FAM120C: variants seen among roughly 807,000 people sequenced by gnomAD.
FAM120C encodes constitutive coactivator of PPAR-gamma-like protein 2.
In FAM120C, 14 loss-of-function variants were observed where a neutral mutation model predicts 71.2. The observed-to-expected ratio is 0.20, with a 90% confidence interval of 0.13 to 0.31. The LOEUF (loss-of-function observed/expected upper bound fraction) is 0.31, where lower values mean the gene tolerates loss of function less well. Among genes scored for constraint, FAM120C ranks in the 10% least tolerant of loss-of-function variants. The probability of loss-of-function intolerance (pLI) is 1.00; values close to 1 mark genes in which losing one functional copy is unlikely to be tolerated. For missense variants in FAM120C, 500 were observed against 879.0 expected (o/e 0.57, Z 5.45); for synonymous variants, 354 against 353.2 (o/e 1.00, Z -0.03).
intron 10 of FAM120C, among the ~76,000 whole-genome samples, chrX:54,102,277 C>T (rs1173788577): frequency 9.9e-6 from 1 of 101,032 alleles, no homozygotes; most frequent in African/African-American, 3.5e-5. Flanking sequence ...TCCTCCCACA[C>T]CTTGGCCTCC....
intron 6 of FAM120C, 66 bp from the exon 7 acceptor site, chrX:54,135,177 A>G: frequency 9.6e-7 from 1 of 1,040,554 alleles, no homozygotes; most frequent in Non-Finnish European, 1.3e-6. Context: ...GCTCCCTCAG[A>G]AGTTGTGACA....
At chrX:54,130,714 AT>A (rs782515159) in intron 9 of FAM120C, among the ~76,000 whole-genome samples, 1 of 111,390 alleles carries the variant, frequency 9.0e-6, no homozygotes, top group Non-Finnish European at 1.9e-5. Flanking sequence ...TAGGTTCTTC[AT>A]TTGGCCTTTG....
chrX:54,178,134 T>C (rs2067328389), intron 1 of FAM120C, among the ~76,000 whole-genome samples: 1 of 110,997 alleles, frequency 9.0e-6, no homozygotes, highest in South Asian at 3.8e-4. Flanking sequence ...AAAGGGGAAG[T>C]TTTTGTTTTT....
chrX:54,152,438 A>G (rs2067188702), intron 3 of FAM120C, among the ~76,000 whole-genome samples: 1 of 111,698 alleles, frequency 9.0e-6, no homozygotes, highest in Admixed American at 9.5e-5. Flanking sequence ...TTGTATTTTT[A>G]GTAGGGACAG....
At chrX:54,079,462 G>T (rs1223212698) in intron 15 of FAM120C, among the ~76,000 whole-genome samples, 1 of 109,477 alleles carries the variant, frequency 9.1e-6, no homozygotes, top group Non-Finnish European at 1.9e-5. Context: ...GAGAGAGAGA[G>T]AGAAAGAAGA....
intron 4 of FAM120C, among the ~76,000 whole-genome samples, chrX:54,146,773 G>A (rs995826424): frequency 8.9e-6 from 1 of 111,954 alleles, no homozygotes; most frequent in Admixed American, 9.6e-5. Flanking sequence ...GTGTATTACT[G>A]GTAAAAGGAT....
At chrX:54,117,901 A>C (rs963632073) in intron 9 of FAM120C, among the ~76,000 whole-genome samples, 2 of 111,312 alleles carry the variant, frequency 1.8e-5, no homozygotes, top group Admixed American at 9.6e-5. Context: ...TATTTCACAA[A>C]ATTCTCAAAA....
chrX:54,151,583 C>A (rs1326627417), intron 3 of FAM120C, among the ~76,000 whole-genome samples: 1 of 112,039 alleles, frequency 8.9e-6, no homozygotes, highest in Non-Finnish European at 1.9e-5. Context: ...AACATATCAT[C>A]CATCTTCCTG....
At chrX:54,093,965 C>A (rs1405278437) in intron 10 of FAM120C, among the ~76,000 whole-genome samples, 3 of 110,361 alleles carry the variant, frequency 2.7e-5, no homozygotes, top group African/African-American at 9.8e-5. Flanking sequence ...ATAACATTTA[C>A]TAAATGCCTC....
At chrX:54,090,092 T>C (rs782224826) in intron 11 of FAM120C, among the ~76,000 whole-genome samples, 1 of 111,522 alleles carries the variant, frequency 9.0e-6, no homozygotes, top group Non-Finnish European at 1.9e-5. Flanking sequence ...CCCAATGTTG[T>C]AGATGGAACC....
At chrX:54,175,671 G>A (rs782079765) in intron 1 of FAM120C, among the ~76,000 whole-genome samples, 4 of 110,941 alleles carry the variant, frequency 3.6e-5, no homozygotes, top group African/African-American at 1.3e-4. Context: ...ACCATGCCCC[G>A]CTACAAGATA....
At chrX:54,141,049 G>T (rs2067124029) in intron 4 of FAM120C, among the ~76,000 whole-genome samples, 1 of 110,776 alleles carries the variant, frequency 9.0e-6, no homozygotes, top group Non-Finnish European at 1.9e-5. Flanking sequence ...TAAATTCAAA[G>T]AAATCCATGC....
intron 12 of FAM120C, among the ~76,000 whole-genome samples, chrX:54,086,680 G>T (rs2066795838): frequency 9.3e-6 from 1 of 107,589 alleles, no homozygotes; most frequent in South Asian, 4.2e-4. Context: ...ACTTGAACCT[G>T]GGAGGCGGAG....
intron 3 of FAM120C, among the ~76,000 whole-genome samples, chrX:54,154,381 C>T (rs1005791953): frequency 5.5e-5 from 6 of 108,774 alleles, no homozygotes; most frequent in Admixed American, 9.9e-5. Context: ...CCAAGGTGGG[C>T]GGATCACTTG....
chrX:54,073,122 CATT>C lies in FAM120C; in HGVS notation c.3199_3201del (p.Asn1067del). 3.3e-6 allele frequency: 4 copies of C among 1,210,807 alleles called. No homozygotes were observed. The South Asian group carries it at 5.3e-5, about 16-fold the overall frequency. ...TTATTCATAGGGAGGTAGCGGTTAC[CATT>C]ATTACACTCATTGCTGTCTCTGGAT... is the stretch of plus-strand genomic sequence containing the variant. On this transcript the variant is annotated inframe_deletion, in exon 16 of 16. Coordinates refer to ENST00000375180, the MANE Select transcript of FAM120C (RefSeq NM_017848.6).
intron 13 of FAM120C, among the ~76,000 whole-genome samples, chrX:54,085,008 G>T (rs1207020740): frequency 8.9e-6 from 1 of 111,771 alleles, no homozygotes; most frequent in African/African-American, 3.2e-5. Flanking sequence ...GATACATCAA[G>T]CTACTGTTGC....
intron 12 of FAM120C, among the ~76,000 whole-genome samples, chrX:54,086,597 T>C (rs922831139): frequency 3.0e-4 from 32 of 108,086 alleles, no homozygotes; most frequent in Middle Eastern, 4.7e-3. Context: ...TTACTAAAAA[T>C]ACAAAAAATT....
chrX:54,094,386 C>T (rs935950819), intron 10 of FAM120C, among the ~76,000 whole-genome samples: 3 of 107,773 alleles, frequency 2.8e-5, no homozygotes, highest in South Asian at 4.2e-4. Context: ...CATGAGCCAT[C>T]GCACCTGGCC....
At chrX:54,089,000 G>C (rs1388701863) in intron 11 of FAM120C, among the ~76,000 whole-genome samples, 1 of 111,146 alleles carries the variant, frequency 9.0e-6, no homozygotes, top group Admixed American at 9.7e-5. Flanking sequence ...AGTGAGCTGA[G>C]ATTATGCCAC....
Sources: gnomAD v4.1 joint callset for allele counts (sites outside exome capture counted in the v4.1 genomes callset) on GRCh38, gnomAD v4.1.1 for gene constraint, MANE v1.5 for transcripts, NCBI Gene and HGNC (gene_info 2026-07-23, HGNC 2026-07-21) for gene names.